CLSTN2: variants seen among roughly 807,000 people sequenced by gnomAD.
The protein encoded by CLSTN2 is calsyntenin 2, also known as calsyntenin-2.
CLSTN2 carries 48 observed loss-of-function variants against 101.2 expected under a neutral mutation model. That is an observed-to-expected ratio of 0.47 (90% CI 0.38 to 0.60). The LOEUF (loss-of-function observed/expected upper bound fraction) is 0.60, where lower values mean the gene tolerates loss of function less well. Among genes scored for constraint, CLSTN2 ranks in the 20% least tolerant of loss-of-function variants. CLSTN2 has a pLI of 0.00. For missense variants in CLSTN2, 1,160 were observed against 1,238.2 expected (o/e 0.94, Z 0.95); for synonymous variants, 481 against 463.6 (o/e 1.04, Z -0.48).
chr3:140,503,364 A>G (rs772067697), intron 8 of CLSTN2, among the ~76,000 whole-genome samples: 17 of 152,202 alleles, frequency 1.1e-4, no homozygotes, highest in Non-Finnish European at 2.1e-4. Context: ...CTTGTGTCTA[A>G]ATAAACACAT....
chr3:140,285,309 T>G (rs950734947), intron 2 of CLSTN2, among the ~76,000 whole-genome samples: 1 of 152,012 alleles, frequency 6.6e-6, no homozygotes, highest in Non-Finnish European at 1.5e-5. Flanking sequence ...ATGTGTAGAC[T>G]GGGCTTTCAA....
intron 1 of CLSTN2, among the ~76,000 whole-genome samples, chr3:139,942,002 C>G (rs1456413085): frequency 6.6e-6 from 1 of 152,110 alleles, no homozygotes; most frequent in Non-Finnish European, 1.5e-5. Flanking sequence ...AGTCTCAGAG[C>G]TCAGAGGTGG....
At chr3:140,356,344 A>G (rs189169547) in intron 2 of CLSTN2, among the ~76,000 whole-genome samples, 3 of 152,334 alleles carry the variant, frequency 2.0e-5, no homozygotes, top group East Asian at 1.9e-4. Flanking sequence ...CTGCATTTGT[A>G]CTTTTACCTG....
intron 8 of CLSTN2, among the ~76,000 whole-genome samples, chr3:140,513,320 G>T (rs567803118): frequency 6.6e-6 from 1 of 152,174 alleles, no homozygotes; most frequent in South Asian, 2.1e-4. Context: ...AACATGAAGC[G>T]ATGTTAAATT....
At chr3:140,271,791 C>A in intron 2 of CLSTN2, among the ~76,000 whole-genome samples, 1 of 152,198 alleles carries the variant, frequency 6.6e-6, no homozygotes, top group East Asian at 1.9e-4. Flanking sequence ...TGCTTCTGGA[C>A]TCAACTAGTT....
At chr3:140,003,068 A>G (rs569320106) in intron 1 of CLSTN2, among the ~76,000 whole-genome samples, 1 of 152,134 alleles carries the variant, frequency 6.6e-6, no homozygotes, top group Non-Finnish European at 1.5e-5. Context: ...TTCCATATAA[A>G]TTTTAGCATT....
At chr3:140,398,472 C>T (rs1283906530) in intron 2 of CLSTN2, among the ~76,000 whole-genome samples, 2 of 152,156 alleles carry the variant, frequency 1.3e-5, no homozygotes, top group African/African-American at 4.8e-5. Context: ...TCAACACAGA[C>T]AAAAAGTCAA....
chr3:140,137,662 A>T (rs953914506), intron 1 of CLSTN2, among the ~76,000 whole-genome samples: 2 of 152,326 alleles, frequency 1.3e-5, no homozygotes, highest in African/African-American at 4.8e-5. Flanking sequence ...ACGCAATAAT[A>T]GTAACTGTTC....
chr3:140,269,272 C>T (rs552650742), intron 2 of CLSTN2, among the ~76,000 whole-genome samples: 1 of 152,320 alleles, frequency 6.6e-6, no homozygotes, highest in African/African-American at 2.4e-5. Context: ...AAAATAAACA[C>T]TCAAGAAGTG....
chr3:140,062,418 G>A (rs754989860), intron 1 of CLSTN2, among the ~76,000 whole-genome samples: 6 of 152,136 alleles, frequency 3.9e-5, no homozygotes, highest in East Asian at 1.9e-4. Flanking sequence ...AAGTATACAC[G>A]TGTGTGATGT....
intron 2 of CLSTN2, among the ~76,000 whole-genome samples, chr3:140,212,769 C>T (rs183162337): frequency 1.6e-4 from 25 of 152,296 alleles, no homozygotes; most frequent in Admixed American, 1.6e-3. Context: ...CACATATTGT[C>T]GCTTATGCCT....
At chr3:140,240,140 CTCTCTCTCTCTG>C (rs1228223258) in intron 2 of CLSTN2, among the ~76,000 whole-genome samples, 33 of 10,762 alleles carry the variant, frequency 3.1e-3, no homozygotes, top group African/African-American at 4.0e-3. Flanking sequence ...TGGTTTCTCT[CTCTCTCTCTCTG>C]TCTCTCTCTC....
chr3:140,088,559 A>C (rs2008717078), intron 1 of CLSTN2, among the ~76,000 whole-genome samples: 1 of 152,212 alleles, frequency 6.6e-6, no homozygotes, highest in African/African-American at 2.4e-5. Flanking sequence ...TGCCCTTCAC[A>C]GGGTTACAAC....
chr3:139,998,336 CTTTTTT>C (rs60541490), intron 1 of CLSTN2, among the ~76,000 whole-genome samples: 5 of 66,814 alleles, frequency 7.5e-5, no homozygotes, highest in East Asian at 6.5e-4. Context: ...CCCCACATGC[CTTTTTT>C]TTTTTTTTTT....
chr3:139,996,915 C>T (rs761376183), intron 1 of CLSTN2, among the ~76,000 whole-genome samples: 4 of 151,670 alleles, frequency 2.6e-5, no homozygotes, highest in Non-Finnish European at 2.9e-5. Context: ...GGCGTGGTGG[C>T]GGGCACCTGT....
intron 1 of CLSTN2, among the ~76,000 whole-genome samples, chr3:139,957,832 A>G (rs1318431373): frequency 6.6e-6 from 1 of 152,210 alleles, no homozygotes; most frequent in Non-Finnish European, 1.5e-5. Flanking sequence ...TGGGCAGAAT[A>G]GGAATCCCAT....
intron 1 of CLSTN2, among the ~76,000 whole-genome samples, chr3:139,960,021 CTTCT>C (rs1935479271): frequency 6.6e-6 from 1 of 152,192 alleles, no homozygotes; most frequent in Non-Finnish European, 1.5e-5. Context: ...ATCCTGGACT[CTTCT>C]CTCTACTTTA....
chr3:140,189,146 A>G (rs2010524548), intron 2 of CLSTN2, among the ~76,000 whole-genome samples: 1 of 152,194 alleles, frequency 6.6e-6, no homozygotes, highest in South Asian at 2.1e-4. Context: ...TGGTATGGAT[A>G]TACCACACTC....
At chr3:140,421,407 T>C (rs2088504723) in intron 5 of CLSTN2, 133 bp downstream of exon 5, 1 of 1,087,608 alleles carries the variant, frequency 9.2e-7, no homozygotes, top group South Asian at 1.5e-5. Flanking sequence ...ATAAAGTAGC[T>C]TGCTTATTCT....
Sources: allele counts gnomAD v4.1 joint callset (sites outside exome capture counted in the v4.1 genomes callset), GRCh38; gene constraint gnomAD v4.1.1; transcripts MANE v1.5; gene names NCBI Gene and HGNC (gene_info 2026-07-23, HGNC 2026-07-21).